AMELY: variants seen among roughly 807,000 people sequenced by gnomAD.
The protein encoded by AMELY is amelogenin, Y isoform.
In AMELY, 4 loss-of-function variants were observed where a neutral mutation model predicts 4.2. The ratio of observed to expected loss-of-function variants is 0.96; its 90% CI spans 0.47 to 2.19. The LOEUF (loss-of-function observed/expected upper bound fraction) is 2.19. AMELY is among the 30% of genes most tolerant of loss of function. AMELY has a pLI of 0.02. For missense variants in AMELY, 32 were observed against 41.5 expected, an observed-to-expected ratio of 0.77 and a Z score of 0.63; for synonymous variants, 11 against 14.7, an observed-to-expected ratio of 0.75 and a Z score of 0.57.
intron 1 of AMELY, among the ~76,000 whole-genome samples, chrY:6,897,750 C>T (rs112109569): frequency 6.8e-4 from 21 of 31,067 alleles, no homozygotes; most frequent in African/African-American, 2.5e-3. Flanking sequence ...GGAGTACAGG[C>T]ACATGCCACC....
At chrY:6,898,775 C>T (rs2054087497) in intron 1 of AMELY, among the ~76,000 whole-genome samples, 1 of 33,691 alleles carries the variant, frequency 3.0e-5, no homozygotes, top group African/African-American at 1.2e-4. Flanking sequence ...TCAGATAATA[C>T]ATGTGAACTG....
intron 1 of AMELY, among the ~76,000 whole-genome samples, chrY:6,884,043 A>G: frequency 6.1e-5 from 2 of 32,970 alleles, no homozygotes; most frequent in Non-Finnish European, 1.5e-4. Flanking sequence ...TTAACATTAA[A>G]AAAAACTTTT....
At chrY:6,884,124 G>T in intron 1 of AMELY, among the ~76,000 whole-genome samples, 1 of 32,206 alleles carries the variant, frequency 3.1e-5, no homozygotes, top group Non-Finnish European at 7.5e-5. Context: ...ATAAAAAAAG[G>T]ATGAGTTTCT....
At chrY:6,911,064 C>CA (rs2124087159) in intron 1 of AMELY, 1 of 36,859 alleles carries the variant, frequency 2.7e-5, no homozygotes, top group South Asian at 6.1e-4. Context: ...GTCCTGCCGG[C>CA]GGCTCCGGCC....
At chrY:6,879,261 G>T (rs2054073591) in intron 1 of AMELY, among the ~76,000 whole-genome samples, 1 of 33,118 alleles carries the variant, frequency 3.0e-5, no homozygotes, top group South Asian at 6.9e-4. Context: ...GTTTTGATTT[G>T]CATTTCTCTG....
intron 1 of AMELY, among the ~76,000 whole-genome samples, chrY:6,910,021 A>C: frequency 3.1e-5 from 1 of 32,395 alleles, no homozygotes; most frequent in Non-Finnish European, 7.5e-5. Flanking sequence ...ACTTGAGTAC[A>C]CCAGGGCCCG....
At chrY:6,905,147 T>C in intron 1 of AMELY, among the ~76,000 whole-genome samples, 1 of 33,704 alleles carries the variant, frequency 3.0e-5, no homozygotes. Context: ...TTTAGGTCAC[T>C]TGATTAATGG....
At chrY:6,885,479 G>C in intron 1 of AMELY, among the ~76,000 whole-genome samples, 1 of 33,500 alleles carries the variant, frequency 3.0e-5, no homozygotes, top group Non-Finnish European at 7.4e-5. Context: ...TATCTCAAAG[G>C]AGTTTAAAAC....
At chrY:6,911,509 G>A (rs955754582) in intron 1 of AMELY, among the ~76,000 whole-genome samples, 164 bp downstream of exon 1, 4 of 34,316 alleles carry the variant, frequency 1.2e-4, no homozygotes, top group Admixed American at 2.6e-4. Context: ...TCGGGCCCGC[G>A]GCGTCTGCTC....
intron 1 of AMELY, among the ~76,000 whole-genome samples, chrY:6,908,836 AG>A (rs2011672364): frequency 3.0e-5 from 1 of 33,431 alleles, no homozygotes; most frequent in Non-Finnish European, 7.3e-5. Flanking sequence ...TTCCTGCCTT[AG>A]TGTTACAGTG....
intron 1 of AMELY, among the ~76,000 whole-genome samples, chrY:6,877,822 T>C (rs2054072573): frequency 1.5e-4 from 5 of 33,054 alleles, no homozygotes; most frequent in Non-Finnish European, 3.7e-4. Context: ...CCAGAAAAAC[T>C]TCACCATAAC....
chrY:6,905,708 C>T (rs746034133), intron 1 of AMELY, among the ~76,000 whole-genome samples: 21 of 31,100 alleles, frequency 6.8e-4, no homozygotes, highest in African/African-American at 2.7e-3. Context: ...CATTCTCCTG[C>T]CTCAGCCTCC....
At chrY:6,900,734 A>G in intron 1 of AMELY, 2 of 29,904 alleles carry the variant, frequency 6.7e-5, no homozygotes, top group African/African-American at 2.6e-4. Flanking sequence ...AAAAAAAAAA[A>G]AAAAGAAAAA....
At chrY:6,902,570 A>T in intron 1 of AMELY, among the ~76,000 whole-genome samples, 1 of 31,055 alleles carries the variant, frequency 3.2e-5, no homozygotes, top group Non-Finnish European at 7.8e-5. Flanking sequence ...TTTTTTTTTT[A>T]AACAGAGTCT....
At chrY:6,880,826 T>C (rs2054074695) in intron 1 of AMELY, among the ~76,000 whole-genome samples, 11 of 33,270 alleles carry the variant, frequency 3.3e-4, no homozygotes, top group Admixed American at 1.7e-3. Context: ...GAGGTGTTTA[T>C]GATATTCTCT....
chrY:6,888,562 G>C (rs2054081353), intron 1 of AMELY, among the ~76,000 whole-genome samples: 2 of 32,619 alleles, frequency 6.1e-5, no homozygotes, highest in African/African-American at 1.2e-4. Flanking sequence ...ATTAAAACTC[G>C]ATGGAAATAT....
chrY:6,872,516 TA>T (rs779625577), intron 3 of AMELY, 38 bp downstream of exon 3: 1 of 380,941 alleles, frequency 2.6e-6, no homozygotes. Context: ...TCCACGTTTG[TA>T]AATTGGACAC....
chrY:6,866,170 C>G lies in AMELY; in HGVS notation c.574-92G>C. On this transcript the variant is annotated intron_variant, in intron 6 of 6. Coordinates refer to ENST00000651267, the MANE Select transcript of AMELY (RefSeq NM_001143.2). ...CATGTATGCCTTCGGTTTTGTCAAA[C>G]CAATGTACAACCACTTAAGTTGAAC... is the stretch of plus-strand genomic sequence containing the variant. 1.2e-4 allele frequency: 13 copies of G among 111,382 alleles called. No individual in the cohort carries two copies. The Admixed American group carries it at 2.1e-3, about 18-fold the overall frequency. The allele number at this position is 111,382 out of a possible 400,897, so 27.8% of individuals were successfully genotyped here. A position where few individuals can be genotyped will look rare whatever the true frequency, so the allele number is the denominator to read the frequency against.
intron 1 of AMELY, among the ~76,000 whole-genome samples, chrY:6,885,059 C>T (rs776306194): frequency 2.9e-5 from 1 of 33,967 alleles, no homozygotes; most frequent in South Asian, 6.6e-4. Context: ...ATCAGAATGT[C>T]TATCAGTAAA....
Sources: gnomAD v4.1 joint callset for allele counts (sites outside exome capture counted in the v4.1 genomes callset) on GRCh38, gnomAD v4.1.1 for gene constraint, MANE v1.5 for transcripts, NCBI Gene and HGNC (gene_info 2026-07-23, HGNC 2026-07-21) for gene names.